The following CTNNA3 variants were observed in gnomAD, a reference collection of about 807,000 sequenced individuals.
The protein encoded by CTNNA3 is catenin alpha 3.
Under a neutral mutation model 95.7 loss-of-function variants are expected in CTNNA3, and 76 were observed. That is an observed-to-expected ratio of 0.79 (90% confidence interval 0.66 to 0.96). The LOEUF (loss-of-function observed/expected upper bound fraction) is 0.96, where lower values mean the gene tolerates loss of function less well. Among genes scored for constraint, CTNNA3 ranks in the 40% least tolerant of loss-of-function variants. CTNNA3 has a pLI of 0.00. For missense variants in CTNNA3, 1,191 were observed against 1,089.8 expected (o/e 1.09, Z -1.31); for synonymous variants, 431 against 374.4 (o/e 1.15, Z -1.74).
intron 1 of CTNNA3, among the ~76,000 whole-genome samples, chr10:67,705,926 A>C (rs1278731120): frequency 6.6e-6 from 1 of 152,056 alleles, no homozygotes; most frequent in Non-Finnish European, 1.5e-5. Flanking sequence ...AAAGAAGGAG[A>C]CTTTTTATTC....
chr10:66,100,649 A>G (rs963586431), intron 14 of CTNNA3, among the ~76,000 whole-genome samples: 2 of 152,226 alleles, frequency 1.3e-5, no homozygotes, highest in Admixed American at 1.3e-4. Context: ...AGTGGCTTCT[A>G]TGAAAAATTC....
chr10:66,496,101 C>T (rs1279192238), intron 11 of CTNNA3, among the ~76,000 whole-genome samples: 1 of 152,090 alleles, frequency 6.6e-6, no homozygotes, highest in East Asian at 1.9e-4. Flanking sequence ...ATCATTTTCA[C>T]ATTCTCCTTC....
At chr10:66,515,154 T>G (rs1840794854) in intron 11 of CTNNA3, among the ~76,000 whole-genome samples, 1 of 151,280 alleles carries the variant, frequency 6.6e-6, no homozygotes, top group East Asian at 1.9e-4. Context: ...GATTTTAAAT[T>G]TTTATTTGTA....
chr10:67,709,076 T>C (rs1376616155), intron 1 of CTNNA3, among the ~76,000 whole-genome samples: 2 of 152,130 alleles, frequency 1.3e-5, no homozygotes, highest in African/African-American at 4.8e-5. Context: ...CTTCCCCTTA[T>C]GCACAGAATC....
intron 2 of CTNNA3, among the ~76,000 whole-genome samples, chr10:67,629,175 CT>C (rs1229317393): frequency 2.0e-5 from 3 of 151,878 alleles, no homozygotes; most frequent in African/African-American, 7.3e-5. Flanking sequence ...AAAACAACAA[CT>C]TTTTAAAGGC....
intron 15 of CTNNA3, among the ~76,000 whole-genome samples, chr10:66,049,921 A>C (rs889190014): frequency 1.3e-5 from 2 of 152,170 alleles, no homozygotes; most frequent in East Asian, 3.8e-4. Context: ...ACAAACCTTC[A>C]CTTTTACACC....
Position 66,088,455 on chromosome 10 carries a change from G to T in CTNNA3, c.1977+14702C>A, listed in dbSNP as rs369759195. 1.5e-3 allele frequency among the ~76,000 whole-genome samples: 228 copies of T among 148,402 alleles called. 1 individual carries two copies. The highest frequency in any genetic ancestry group is 5.2e-3 in the African/African-American group (208 of 40,166). ...TACATGTTATTAATGGTTATCAGTT[G>T]TTTCATATTTATGTAGATAGGTAGG... On this transcript the variant is annotated intron_variant, in intron 14 of 17. Coordinates refer to ENST00000433211, the MANE Select transcript of CTNNA3 (RefSeq NM_013266.4).
chr10:66,349,217 G>T (rs1029219747), intron 12 of CTNNA3, among the ~76,000 whole-genome samples: 3 of 152,020 alleles, frequency 2.0e-5, no homozygotes, highest in Non-Finnish European at 1.5e-5. Context: ...AGTGGCTTTT[G>T]GCAGATACAA....
chr10:66,865,730 A>C (rs910975639), intron 7 of CTNNA3, among the ~76,000 whole-genome samples: 3 of 152,062 alleles, frequency 2.0e-5, no homozygotes, highest in African/African-American at 7.2e-5. Context: ...TTTTAACAAT[A>C]TTTATTTTTA....
chr10:66,194,528 C>T (rs987305916), intron 13 of CTNNA3, among the ~76,000 whole-genome samples: 14 of 151,916 alleles, frequency 9.2e-5, no homozygotes, highest in African/African-American at 2.7e-4. Context: ...TGCAGTGAGC[C>T]GAGATCATGC....
rs571890822 is a variant in CTNNA3 at position 67,237,522 on chromosome 10, AT to A, written c.580-17653del. On this transcript the variant is annotated intron_variant, in intron 5 of 17. Coordinates refer to ENST00000433211, the MANE Select transcript of CTNNA3 (RefSeq NM_013266.4). Reference sequence around the variant, plus strand: ...GTAACCAAATACCACCTATTCCCCAATAACTTATGGAAATTTTTTTAAAAAA... The same window carrying A: ...GTAACCAAATACCACCTATTCCCCAAAACTTATGGAAATTTTTTTAAAAAA... 6.6e-5 allele frequency among the ~76,000 whole-genome samples: 10 copies of A among 152,094 alleles called. No homozygotes were observed. The South Asian group carries it at 1.7e-3, about 25-fold the overall frequency.
chr10:66,220,865 A>G (rs111922432), intron 13 of CTNNA3, among the ~76,000 whole-genome samples: 1,717 of 152,092 alleles, frequency 0.011, 33 homozygotes, highest in African/African-American at 0.039. Context: ...GGAGCCTGGG[A>G]TTTTTATAGG....
At chr10:66,962,382 A>G (rs1849156791) in intron 7 of CTNNA3, among the ~76,000 whole-genome samples, 1 of 150,344 alleles carries the variant, frequency 6.7e-6, no homozygotes, top group South Asian at 2.1e-4. Flanking sequence ...CAACTCCTCT[A>G]AGTTTTTTTT....
intron 2 of CTNNA3, among the ~76,000 whole-genome samples, chr10:67,629,074 T>C (rs1344602537): frequency 1.3e-5 from 2 of 152,048 alleles, no homozygotes; most frequent in Non-Finnish European, 2.9e-5. Flanking sequence ...ATTAATTACA[T>C]GGGACTGAAC....
chr10:67,532,614 G>A (rs371050878), intron 4 of CTNNA3, among the ~76,000 whole-genome samples: 2 of 152,136 alleles, frequency 1.3e-5, no homozygotes, highest in Non-Finnish European at 2.9e-5. Context: ...AGAAAAGTTA[G>A]TTCAACTCAA....
chr10:66,216,878 T>C (rs2088575430), intron 13 of CTNNA3, among the ~76,000 whole-genome samples: 1 of 152,150 alleles, frequency 6.6e-6, no homozygotes, highest in South Asian at 2.1e-4. Flanking sequence ...CCATTTTATC[T>C]TGTGTATAGA....
chr10:67,750,916 C>T, intron 1 of CTNNA3: 1 of 1,610,114 alleles, frequency 6.2e-7, no homozygotes, highest in South Asian at 1.1e-5. Flanking sequence ...GGCCTACAGC[C>T]CCCTAGGCTC....
chr10:66,207,679 T>C (rs950764131), intron 13 of CTNNA3, among the ~76,000 whole-genome samples: 7 of 151,964 alleles, frequency 4.6e-5, no homozygotes, highest in African/African-American at 1.7e-4. Context: ...ATGGCAGAAG[T>C]GAGAAAAGGA....
intron 10 of CTNNA3, among the ~76,000 whole-genome samples, chr10:66,590,316 C>T (rs1162078543): frequency 6.6e-6 from 1 of 152,058 alleles, no homozygotes; most frequent in East Asian, 1.9e-4. Context: ...CTAGAGCACC[C>T]ATTTCCAGAC....
Sources: gnomAD v4.1 joint callset for allele counts (sites outside exome capture counted in the v4.1 genomes callset) on GRCh38, gnomAD v4.1.1 for gene constraint, MANE v1.5 for transcripts, NCBI Gene and HGNC (gene_info 2026-07-23, HGNC 2026-07-21) for gene names.